Variants in TCF4 observed in about 807,000 individuals in gnomAD.
The protein encoded by TCF4 is transcription factor 4.
A neutral mutation model predicts 82.1 loss-of-function variants in TCF4; 3 were observed. The observed-to-expected ratio is 0.04, with a 90% confidence interval of 0.02 to 0.09. The LOEUF is 0.09. Among genes scored for constraint, TCF4 ranks in the 10% least tolerant of loss-of-function variants. The probability of loss-of-function intolerance (pLI) is 1.00; values close to 1 mark genes in which losing one functional copy is unlikely to be tolerated. For synonymous variants in TCF4, 276 were observed against 309.6 expected (o/e 0.89, Z 1.14); for missense variants, 518 against 852.7 (o/e 0.61, Z 4.89).
Position 55,275,704 on chromosome 18 carries a change from T to G in TCF4, c.704A>C (p.Gln235Pro). The change falls in exon 10 of 20, where the codon CAG becomes CCG. Residue 235 changes from glutamine to proline, a missense_variant. Around this residue, in one of 7 missense-constraint regions of TCF4, gnomAD observed 211 missense variants for 327.4 expected, o/e 0.64. Transcript: ENST00000354452. Reference sequence around the variant, plus strand: ...GCCCAACATTCCTGCATAGCCAGGCTGATTCATCCCACTGGAGGAGCTCCA... The same window carrying G: ...GCCCAACATTCCTGCATAGCCAGGCGGATTCATCCCACTGGAGGAGCTCCA... ...DPWSSSSGMN[Q>P]PGYAGMLGNS... 6.2e-7 allele frequency: 1 copy of G among 1,613,936 alleles called. No individual in the cohort carries two copies. Among genetic ancestry groups the G allele is most frequent in the Non-Finnish European group, 8.5e-7 (1 of 1,179,820 alleles).
In TCF4 at chr18:55,506,724, TATG is replaced by T. The variant is rs1252255851; in HGVS notation, c.146-42590_146-42588del. Among the ~76,000 whole-genome samples, 3 of 152,334 alleles carry T rather than the reference TATG, an allele frequency of 2.0e-5. No homozygotes were observed. The East Asian group carries it at 5.8e-4, about 29-fold the overall frequency. On this transcript the variant is annotated intron_variant, in intron 3 of 19. Transcript: ENST00000354452. ...AGATAGCACAAAATTCTATATACGCTATGATTTTTCCTATGCATATATACCTAT... is the reference window on the plus strand; with the variant it reads ...AGATAGCACAAAATTCTATATACGCTATTTTTCCTATGCATATATACCTAT...
intron 8 of TCF4, among the ~76,000 whole-genome samples, chr18:55,335,179 C>A (rs1205873430): frequency 6.6e-6 from 1 of 151,510 alleles, no homozygotes; most frequent in Non-Finnish European, 1.5e-5. Flanking sequence ...CAAGGATCTC[C>A]AAATATCATT....
At chr18:55,406,680 TACC>T (rs2146570483) in intron 5 of TCF4, among the ~76,000 whole-genome samples, 1 of 152,324 alleles carries the variant, frequency 6.6e-6, no homozygotes, top group Non-Finnish European at 1.5e-5. Flanking sequence ...TTGTCACTTA[TACC>T]AACTGGCTGG....
intron 3 of TCF4, among the ~76,000 whole-genome samples, chr18:55,487,703 A>T (rs1365857857): frequency 6.6e-6 from 1 of 152,160 alleles, no homozygotes; most frequent in Non-Finnish European, 1.5e-5. Context: ...GAGGGGATCG[A>T]TAAAAAAAAA....
chr18:55,362,336 AAAG>A (rs1170344664), intron 6 of TCF4, among the ~76,000 whole-genome samples: 6 of 148,644 alleles, frequency 4.0e-5, no homozygotes, highest in African/African-American at 7.5e-5. Flanking sequence ...AACAAAAAAA[AAAG>A]AGGAAGGAAG....
At position 55,223,809 on chromosome 18, in the gene TCF4, CA is replaced by C. The variant is rs1227199364; in HGVS notation, c.*4225del. ...TGCGACCTACAACTAAAAACAAAAA[CA>C]AAAACAAAAACAAAACAAAAAACAA... On this transcript the variant is annotated 3_prime_UTR_variant, in exon 20 of 20. Coordinates refer to ENST00000354452, the MANE Select transcript of TCF4 (RefSeq NM_001083962.2). 2 of 144,782 alleles carry C rather than the reference CA, an allele frequency of 1.4e-5. No homozygotes were observed. The highest frequency in any genetic ancestry group is 2.1e-4 in the East Asian group (1 of 4,762). 9.0% of individuals were successfully genotyped at this position (144,782 alleles called of 1,614,324 possible).
rs148416452 is a variant in TCF4, at chr18:55,608,039, A to G, written c.287-20903T>C. ...CTGTCTCCTTCACTGTTGATCTACA[A>G]ATGGAAGCTGCGTGCCACATGCTTC... On this transcript the variant is annotated intron_variant, in intron 2 of 20. Coordinates refer to the TCF4 transcript ENST00000398339. Among the ~76,000 whole-genome samples the G allele has an allele frequency of 1.6e-4, 25 of 152,310 alleles. No homozygotes were observed. The East Asian group carries it at 4.8e-3, about 29-fold the overall frequency.
At chr18:55,321,925 G>A in intron 8 of TCF4, 1 of 1,392,284 alleles carries the variant, frequency 7.2e-7, no homozygotes, top group Non-Finnish European at 9.3e-7. Flanking sequence ...GCTGTCAGAC[G>A]CTCAACTTTG....
In TCF4 at chr18:55,534,247, G is replaced by A. The variant is rs143845199; in HGVS notation, c.145+51033C>T. Among the ~76,000 whole-genome samples the A allele has an allele frequency of 2.0e-4, 30 of 152,340 alleles. No homozygotes were observed. In the East Asian group the frequency reaches 5.4e-3, roughly 27 times the overall value. The stretch of plus-strand genomic sequence containing the variant: ...GGAATTTGGAGCATTTCAGATTAGG[G>A]ACGCTCAACCTGTAATGCTTAAGAC... On this transcript the variant is annotated intron_variant, in intron 3 of 19. Coordinates refer to ENST00000354452, the MANE Select transcript of TCF4 (RefSeq NM_001083962.2).
intron 2 of TCF4, among the ~76,000 whole-genome samples, chr18:55,613,918 C>G (rs548657525): frequency 1.3e-5 from 2 of 152,108 alleles, no homozygotes; most frequent in Non-Finnish European, 2.9e-5. Flanking sequence ...TGGGTTGTTT[C>G]CAGTTTTAGG....
chr18:55,292,206 T>C (rs1010348003), intron 8 of TCF4, among the ~76,000 whole-genome samples: 2 of 152,186 alleles, frequency 1.3e-5, no homozygotes, highest in Non-Finnish European at 2.9e-5. Context: ...CAAATATTCT[T>C]CCGGAATGAG....
chr18:55,565,411 A>G (rs2097395792), intron 3 of TCF4, among the ~76,000 whole-genome samples: 1 of 152,216 alleles, frequency 6.6e-6, no homozygotes, highest in South Asian at 2.1e-4. Flanking sequence ...AAAGGTAGGC[A>G]CAAGAAGCAG....
chr18:55,559,969 G>T (rs908659113), intron 3 of TCF4, among the ~76,000 whole-genome samples: 1 of 152,136 alleles, frequency 6.6e-6, no homozygotes, highest in Non-Finnish European at 1.5e-5. Flanking sequence ...ACAGCTGCTG[G>T]ATCTAATTTT....
At chr18:55,393,756 C>T (rs897456601) in intron 6 of TCF4, among the ~76,000 whole-genome samples, 3 of 152,016 alleles carry the variant, frequency 2.0e-5, no homozygotes, top group East Asian at 1.9e-4. Flanking sequence ...CATCAAAGTA[C>T]GAGGAAAGCT....
intron 8 of TCF4, chr18:55,322,185 A>C (rs1487473401): frequency 2.4e-5 from 26 of 1,062,574 alleles, no homozygotes; most frequent in Non-Finnish European, 2.8e-5. Context: ...CCTTAGGGTA[A>C]AAGTGGAACA....
intron 8 of TCF4, among the ~76,000 whole-genome samples, chr18:55,302,976 A>G (rs2068803780): frequency 6.6e-6 from 1 of 152,186 alleles, no homozygotes; most frequent in Non-Finnish European, 1.5e-5. Context: ...CCAGTTGTCA[A>G]AAGCATCCCA....
intron 11 of TCF4, chr18:55,268,359 C>T (rs1189211395): frequency 5.3e-5 from 8 of 152,070 alleles, no homozygotes; most frequent in Non-Finnish European, 8.8e-5. Flanking sequence ...GTGAAATATG[C>T]TTTTCTCACT....
chr18:55,509,111 A>T (rs1006011545), intron 3 of TCF4, among the ~76,000 whole-genome samples: 1 of 152,156 alleles, frequency 6.6e-6, no homozygotes, highest in Non-Finnish European at 1.5e-5. Context: ...GAATTTAAAT[A>T]TATCTGTGTG....
At chr18:55,348,555 AAC>A (rs1399959989) in intron 8 of TCF4, among the ~76,000 whole-genome samples, 2 of 152,212 alleles carry the variant, frequency 1.3e-5, no homozygotes, top group Non-Finnish European at 2.9e-5. Context: ...ACATAGCAGC[AAC>A]ACCTAAATTG....
Sources: allele counts gnomAD v4.1 joint callset (sites outside exome capture counted in the v4.1 genomes callset), GRCh38; gene constraint gnomAD v4.1.1; regional missense constraint gnomAD v4.1.1; transcripts MANE v1.5; gene names NCBI Gene and HGNC (gene_info 2026-07-23, HGNC 2026-07-21).